Variants in ANKRD30B observed in about 807,000 individuals in gnomAD.
The protein encoded by ANKRD30B is ankyrin repeat domain-containing protein 30B.
In ANKRD30B, 144 loss-of-function variants were observed where a neutral mutation model predicts 202.2. The observed-to-expected ratio is 0.71, with a 90% CI of 0.62 to 0.82. The LOEUF (loss-of-function observed/expected upper bound fraction) is 0.82, where lower values mean the gene tolerates loss of function less well. Ranked by LOEUF, ANKRD30B falls within the 40% of genes least tolerant of loss-of-function variation. The pLI is 0.00. For missense variants in ANKRD30B, 1,487 were observed against 1,669.1 expected, an observed-to-expected ratio of 0.89 and a Z score of 1.90; for synonymous variants, 508 against 561.3, an observed-to-expected ratio of 0.91 and a Z score of 1.34.
At chr18:14,791,319 A>G (rs994304938) in intron 15 of ANKRD30B, 82 bp from the exon 16 acceptor site, 2 of 1,197,564 alleles carry the variant, frequency 1.7e-6, no homozygotes, top group African/African-American at 3.1e-5. Flanking sequence ...GTTTTTAAAA[A>G]AGATTCTAGT....
chr18:14,768,278 G>A (rs1441851585), intron 7 of ANKRD30B, among the ~76,000 whole-genome samples: 1 of 152,182 alleles, frequency 6.6e-6, no homozygotes, highest in African/African-American at 2.4e-5. Context: ...GGGAGGGCAT[G>A]GAAGCTCCAT....
At chr18:14,905,096 C>T in the ANKRD30B span, among the ~76,000 whole-genome samples, 1 of 152,202 alleles carries the variant, frequency 6.6e-6, no homozygotes, top group African/African-American at 2.4e-5. Context: ...GGACAGTTTA[C>T]AAATGCCATG....
chr18:14,868,597 G>A, the ANKRD30B span, among the ~76,000 whole-genome samples: 2 of 152,266 alleles, frequency 1.3e-5, no homozygotes, highest in African/African-American at 2.4e-5. Flanking sequence ...GGTGGCTGCT[G>A]TGGCAGGTCC....
chr18:14,851,893 A>C lies in ANKRD30B; in HGVS notation c.3949A>C (p.Asn1317His), dbSNP rs761504120. Residue 1317 changes from asparagine (N) to histidine (H), a missense_variant, in exon 42 of 44, where the codon AAC becomes CAC. This residue lies in a region of ANKRD30B where 182 missense variants were observed against 216.0 expected (regional missense o/e 0.84). Coordinates refer to ENST00000690538, the MANE Select transcript of ANKRD30B (RefSeq NM_001367607.2). ...DHDQSVTSRKNQELAFHSAGD... is the reference protein window; with the variant it reads ...DHDQSVTSRKHQELAFHSAGD... ...TGATCAAAGTGTCACATCAAGAAAA[A>C]ACCAAGAACTTGCTTTCCACAGTGC... The C allele has an allele frequency of 4.4e-6, 7 of 1,593,738 alleles. No homozygotes were observed. The highest frequency in any genetic ancestry group is 1.1e-5 in the South Asian group (1 of 89,150).
the ANKRD30B span, among the ~76,000 whole-genome samples, chr18:14,932,567 A>C: frequency 6.6e-6 from 1 of 151,994 alleles, no homozygotes. Context: ...TTTGATCTCC[A>C]GACCTCGTGA....
At chr18:14,825,031 C>T (rs947122080) in intron 32 of ANKRD30B, 2 of 152,140 alleles carry the variant, frequency 1.3e-5, no homozygotes, top group Non-Finnish European at 2.9e-5. Flanking sequence ...CTTTAAGCAG[C>T]TTTTTCAATA....
the ANKRD30B span, among the ~76,000 whole-genome samples, chr18:14,911,815 A>T: frequency 2.0e-5 from 3 of 152,018 alleles, no homozygotes; most frequent in African/African-American, 7.2e-5. Context: ...GTGTTTTGTA[A>T]TTCTCCTAAT....
rs759627962 is a variant in ANKRD30B at position 14,840,617 on chromosome 18, T to C, written c.3018T>C (p.Tyr1006=). 3.9e-6 allele frequency: 6 copies of C among 1,529,768 alleles called. No homozygotes were observed. The highest frequency in any genetic ancestry group is 5.3e-6 in the Non-Finnish European group (6 of 1,132,814). The allele number at this position is 1,529,768 out of a possible 1,614,324, so 94.8% of individuals were successfully genotyped here. ...TCTCTGTGAGTGATACACAGAATTA[T>C]GAGTGTTTACCTGAGGCTACATATC... ...EIISVSDTQN[Y]ECLPEATYQK... is the part of the protein sequence containing the mutation. The change falls in exon 37 of 44, where the codon TAT becomes TAC. Residue 1006 remains tyrosine, a synonymous_variant. Transcript: ENST00000690538.
At chr18:14,895,574 A>G in the ANKRD30B span, among the ~76,000 whole-genome samples, 39 of 152,322 alleles carry the variant, frequency 2.6e-4, no homozygotes, top group Non-Finnish European at 5.3e-4. Context: ...CCTGAACATG[A>G]CTATTTATAG....
At position 14,782,554 on chromosome 18, in the gene ANKRD30B, C is replaced by T. The variant is rs774681578; in HGVS notation, c.1510C>T (p.Gln504Ter). The T allele has an allele frequency of 6.3e-7, 1 of 1,589,334 alleles. No individual in the cohort carries two copies. Among genetic ancestry groups the T allele is most frequent in the East Asian group, 2.3e-5 (1 of 43,862 alleles). Residue 504 changes from glutamine (Q) to a stop codon, truncating the protein, a stop_gained, in exon 12 of 44, where the codon CAA becomes TAA. Coordinates refer to ENST00000690538, the MANE Select transcript of ANKRD30B (RefSeq NM_001367607.2). LOFTEE classifies it high-confidence loss of function. ...TCTCTTTGAGAGTTCTGCAAAGACT[C>T]AAGTGTGTATACCTGAGTCTATGTA... is the stretch of plus-strand genomic sequence containing the variant. ...GSLFESSAKT[Q>*]VCIPESMYQK...
the ANKRD30B span, among the ~76,000 whole-genome samples, chr18:14,869,101 T>C: frequency 2.0e-5 from 3 of 152,264 alleles, no homozygotes; most frequent in Non-Finnish European, 4.4e-5. Context: ...TGAACAATTC[T>C]ATTCTAAATG....
At chr18:14,775,694 T>A (rs1294223659) in intron 9 of ANKRD30B, among the ~76,000 whole-genome samples, 2 of 152,190 alleles carry the variant, frequency 1.3e-5, no homozygotes, top group African/African-American at 4.8e-5. Flanking sequence ...CACATAGGTA[T>A]CAAATAATAA....
At chr18:14,940,115 G>T in the ANKRD30B span, among the ~76,000 whole-genome samples, 5 of 152,178 alleles carry the variant, frequency 3.3e-5, no homozygotes, top group African/African-American at 1.2e-4. Context: ...ATAGGGGTAC[G>T]TATGTCTCAT....
At chr18:14,883,253 A>T in the ANKRD30B span, among the ~76,000 whole-genome samples, 1 of 151,678 alleles carries the variant, frequency 6.6e-6, no homozygotes, top group Non-Finnish European at 1.5e-5. Flanking sequence ...GGGAATTTTT[A>T]AAATACCACT....
chr18:14,879,397 A>G, the ANKRD30B span, among the ~76,000 whole-genome samples: 1 of 152,186 alleles, frequency 6.6e-6, no homozygotes, highest in Non-Finnish European at 1.5e-5. Context: ...CATCGCTCAT[A>G]TAACAAGCAC....
At chr18:14,931,310 C>T in the ANKRD30B span, among the ~76,000 whole-genome samples, 1 of 152,204 alleles carries the variant, frequency 6.6e-6, no homozygotes, top group Non-Finnish European at 1.5e-5. Flanking sequence ...CCCAAGGTCA[C>T]ACACCAGAGA....
At chr18:14,771,736 GTA>G (rs1384417013) in intron 8 of ANKRD30B, among the ~76,000 whole-genome samples, 1 of 152,060 alleles carries the variant, frequency 6.6e-6, no homozygotes, top group East Asian at 1.9e-4. Context: ...CAAGGTAACT[GTA>G]TCTTTCTTCC....
At chr18:14,895,005 G>A in the ANKRD30B span, among the ~76,000 whole-genome samples, 3 of 152,102 alleles carry the variant, frequency 2.0e-5, 1 homozygote, top group South Asian at 4.2e-4. Context: ...GGATGCAGCC[G>A]GAGGCCATTA....
intron 7 of ANKRD30B, among the ~76,000 whole-genome samples, chr18:14,768,619 CA>C (rs956602978): frequency 1.4e-4 from 22 of 152,134 alleles, no homozygotes; most frequent in Non-Finnish European, 2.6e-4. Flanking sequence ...TTTTGGTGGA[CA>C]AAATCTTCCA....
Sources: allele counts gnomAD v4.1 joint callset (sites outside exome capture counted in the v4.1 genomes callset), GRCh38; gene constraint gnomAD v4.1.1; regional missense constraint gnomAD v4.1.1; transcripts MANE v1.5; gene names NCBI Gene and HGNC (gene_info 2026-07-23, HGNC 2026-07-21).